Variants in MOK observed in about 807,000 individuals in gnomAD.
MOK encodes the protein MOK protein kinase, also known as MAPK/MAK/MRK overlapping kinase.
A neutral mutation model predicts 54.2 loss-of-function variants in MOK; 59 were observed. That is an observed-to-expected ratio of 1.09 (90% CI 0.88 to 1.35). The LOEUF (loss-of-function observed/expected upper bound fraction) is 1.35, where lower values mean the gene tolerates loss of function less well. Ranked by LOEUF, MOK falls within the 40% of genes most tolerant of loss-of-function variation. The pLI, the probability that MOK is intolerant of heterozygous loss-of-function variation, is 0.00. For missense variants in MOK, 517 were observed against 526.2 expected, an observed-to-expected ratio of 0.98 and a Z score of 0.17; for synonymous variants, 210 against 202.7, an observed-to-expected ratio of 1.04 and a Z score of -0.31.
chr14:102,294,540 G>A (rs537619171), intron 1 of MOK, among the ~76,000 whole-genome samples: 14 of 152,074 alleles, frequency 9.2e-5, no homozygotes, highest in South Asian at 2.1e-4. Context: ...CTCTGAGCCC[G>A]GGAAGTCAAG....
At chr14:102,289,640 C>T (rs1262992516) in intron 1 of MOK, among the ~76,000 whole-genome samples, 2 of 152,160 alleles carry the variant, frequency 1.3e-5, no homozygotes, top group African/African-American at 2.4e-5. Context: ...CAGGTGTGTG[C>T]CACCATACCA....
At chr14:102,297,990 C>T (rs61992539) in intron 1 of MOK, among the ~76,000 whole-genome samples, 3 of 152,216 alleles carry the variant, frequency 2.0e-5, no homozygotes, top group Non-Finnish European at 2.9e-5. Context: ...TGGGCTCCTG[C>T]GCAGCCCAAG....
chr14:102,256,689 C>T (rs2066986413), intron 4 of MOK, among the ~76,000 whole-genome samples: 2 of 150,572 alleles, frequency 1.3e-5, no homozygotes, highest in African/African-American at 4.9e-5. Context: ...ACGTGAGCCA[C>T]TGCACCTGGC....
chr14:102,296,295 T>C (rs2071411336), intron 1 of MOK, among the ~76,000 whole-genome samples: 1 of 151,210 alleles, frequency 6.6e-6, no homozygotes, highest in African/African-American at 2.4e-5. Context: ...AAAAACTATG[T>C]TCAAGCATCT....
intron 4 of MOK, among the ~76,000 whole-genome samples, chr14:102,260,171 C>T (rs1156370990): frequency 2.9e-5 from 4 of 135,970 alleles, no homozygotes; most frequent in Admixed American, 7.5e-5. Context: ...AGCAAAACTC[C>T]ATCTCAAAAA....
chr14:102,291,183 A>C (rs577795380), intron 1 of MOK, among the ~76,000 whole-genome samples: 1 of 152,280 alleles, frequency 6.6e-6, no homozygotes, highest in South Asian at 2.1e-4. Flanking sequence ...ACCGGAAGCC[A>C]TAACTTGCTT....
downstream of MOK, among the ~76,000 whole-genome samples, chr14:102,223,926 C>T (rs184658192): frequency 1.5e-4 from 23 of 152,248 alleles, no homozygotes; most frequent in Non-Finnish European, 2.4e-4. Context: ...CGTTTCCATA[C>T]AACTCCGAGT....
chr14:102,253,199 A>C (rs2066668208), intron 4 of MOK, among the ~76,000 whole-genome samples: 1 of 152,250 alleles, frequency 6.6e-6, no homozygotes, highest in Admixed American at 6.5e-5. Flanking sequence ...GAAATGTAGT[A>C]ATTGTACCTA....
intron 1 of MOK, among the ~76,000 whole-genome samples, chr14:102,295,267 G>C (rs1034092273): frequency 1.3e-5 from 2 of 152,166 alleles, no homozygotes; most frequent in Non-Finnish European, 2.9e-5. Flanking sequence ...ATGAAAAAGG[G>C]AGAACAAGGG....
intron 1 of MOK, among the ~76,000 whole-genome samples, chr14:102,300,030 C>G (rs1265812040): frequency 6.6e-6 from 1 of 151,992 alleles, no homozygotes; most frequent in African/African-American, 2.4e-5. Flanking sequence ...CAATTAAAAA[C>G]TTAAGCCGGG....
intron 7 of MOK, among the ~76,000 whole-genome samples, chr14:102,234,606 C>A (rs1442861849): frequency 6.6e-6 from 1 of 152,102 alleles, no homozygotes; most frequent in African/African-American, 2.4e-5. Flanking sequence ...CCCTCCCTTC[C>A]ATTCACTATG....
At chr14:102,259,747 GATA>G (rs1372028754) in intron 4 of MOK, among the ~76,000 whole-genome samples, 1 of 152,118 alleles carries the variant, frequency 6.6e-6, no homozygotes, top group Non-Finnish European at 1.5e-5. Flanking sequence ...TTCAAATGAG[GATA>G]ATAACAGTAT....
intron 4 of MOK, among the ~76,000 whole-genome samples, chr14:102,258,323 C>T (rs1597398705): frequency 6.6e-6 from 1 of 152,192 alleles, no homozygotes; most frequent in Non-Finnish European, 1.5e-5. Flanking sequence ...ACATGGGCCT[C>T]TTCCCTCACG....
chr14:102,232,659 G>A lies in MOK; in HGVS notation c.742C>T (p.Pro248Ser), dbSNP rs34299975. The change falls in exon 9 of 12, where the codon CCT becomes TCT. Residue 248 changes from proline (P) to serine (S), a missense_variant. Transcript: ENST00000361847. This position sits in a 1 kb window ranked among gnomAD's most constrained non-coding sequence, Gnocchi z 5.1. The stretch of plus-strand genomic sequence containing the variant: ...GGGGACAAATTGGTTGTTAGTAGAG[G>A]TATTCCTGATCCCTTTTTAAAAGGA... ...DFPFKKGSGI[P>S]LLTTNLSPQC... is the part of the protein sequence containing the mutation. 1,479 of 1,613,986 alleles carry A rather than the reference G, an allele frequency of 9.2e-4. 14 individuals are homozygous for A. The African/African-American group carries it at 0.016, about 18-fold the overall frequency.
At chr14:102,273,261 C>A in intron 2 of MOK, among the ~76,000 whole-genome samples, 1 of 137,150 alleles carries the variant, frequency 7.3e-6, no homozygotes, top group Non-Finnish European at 1.6e-5. Flanking sequence ...CCTAAGAAAG[C>A]AACCAAAACA....
At chr14:102,260,391 G>T (rs2067291123) in intron 4 of MOK, among the ~76,000 whole-genome samples, 1 of 152,020 alleles carries the variant, frequency 6.6e-6, no homozygotes, top group African/African-American at 2.4e-5. Flanking sequence ...TTGTTGGAAG[G>T]TTAAAATGAG....
In MOK at chr14:102,231,916, G is replaced by T; in HGVS notation, c.867-95C>A. 3.1e-6 allele frequency: 3 copies of T among 978,608 alleles called. No homozygotes were observed. Among genetic ancestry groups the T allele is most frequent in the Non-Finnish European group, 3.1e-6 (2 of 645,126 alleles). The allele number at this position is 978,608 out of a possible 1,614,324, so 60.6% of individuals were successfully genotyped here. On this transcript the variant is annotated intron_variant, in intron 9 of 11. Coordinates refer to ENST00000361847, the MANE Select transcript of MOK (RefSeq NM_014226.3). The surrounding 1 kb of genome is among the most constrained non-coding windows in gnomAD (Gnocchi z 4.4). ...TTTGTCTCCAATTTGTCTACTGTGT[G>T]AGTTGTCACTAGCTCTTCTTTTCTG... is the stretch of plus-strand genomic sequence containing the variant.
At chr14:102,288,963 T>C (rs1405123639) in intron 1 of MOK, among the ~76,000 whole-genome samples, 1 of 152,126 alleles carries the variant, frequency 6.6e-6, no homozygotes, top group African/African-American at 2.4e-5. Flanking sequence ...AGAGCAGTGG[T>C]GCAACCTCGG....
chr14:102,217,764 C>T, the MOK span, among the ~76,000 whole-genome samples: 13 of 152,218 alleles, frequency 8.5e-5, no homozygotes, highest in African/African-American at 2.4e-4. Context: ...GAGTCTTGCA[C>T]GTGAGCAGTT....
Sources: allele counts gnomAD v4.1 joint callset (sites outside exome capture counted in the v4.1 genomes callset), GRCh38; gene constraint gnomAD v4.1.1; non-coding constraint Gnocchi (gnomAD v3.1); transcripts MANE v1.5; gene names NCBI Gene and HGNC (gene_info 2026-07-23, HGNC 2026-07-21).